Variants in VAC14 observed in about 807,000 individuals in gnomAD.
VAC14 encodes VAC14 component of PIKFYVE complex.
Under a neutral mutation model 85.3 loss-of-function variants are expected in VAC14, and 47 were observed. The ratio of observed to expected loss-of-function variants is 0.55; its 90% CI spans 0.44 to 0.70. VAC14 has a LOEUF of 0.70. Ranked by LOEUF, VAC14 falls within the 30% of genes least tolerant of loss-of-function variation. The pLI is 0.00. For missense variants in VAC14, 861 were observed against 1,004.3 expected (o/e 0.86, Z 1.93); for synonymous variants, 447 against 430.5 (o/e 1.04, Z -0.47).
Position 70,731,482 on chromosome 16 carries a change from C to T in VAC14, c.1661+13G>A, listed in dbSNP as rs191688034. 2.8e-4 allele frequency: 450 copies of T among 1,610,378 alleles called. 6 individuals are homozygous for T. In the African/African-American group the frequency reaches 3.3e-3, roughly 12 times the overall value. On this transcript the variant is annotated intron_variant, in intron 14 of 18. Coordinates refer to ENST00000261776, the MANE Select transcript of VAC14 (RefSeq NM_018052.5). ...GTGGGAGGAAGAGGAGAAAGCGCGC[C>T]GCCAAGGCTGACCTGATGATGAAAG...
chr16:70,727,076 C>T (rs915808363), intron 14 of VAC14, among the ~76,000 whole-genome samples: 5 of 152,210 alleles, frequency 3.3e-5, no homozygotes, highest in African/African-American at 1.2e-4. Flanking sequence ...CAAGAACTCC[C>T]GATGCCTCTG....
chr16:70,780,197 A>T (rs1460240739), intron 9 of VAC14, among the ~76,000 whole-genome samples: 1 of 152,090 alleles, frequency 6.6e-6, no homozygotes, highest in Non-Finnish European at 1.5e-5. Flanking sequence ...AAACAAGAAA[A>T]TTATGTTAGA....
At chr16:70,721,997 C>G (rs1407866211) in intron 14 of VAC14, among the ~76,000 whole-genome samples, 4 of 152,326 alleles carry the variant, frequency 2.6e-5, no homozygotes, top group South Asian at 2.1e-4. Flanking sequence ...ATGCAGTACC[C>G]TGCAGATCAC....
rs773274230 is a variant in VAC14, at chr16:70,782,003, T to C, written c.812A>G (p.Asp271Gly). 11 of 1,613,224 alleles carry C rather than the reference T, an allele frequency of 6.8e-6. No individual in the cohort carries two copies. Among genetic ancestry groups the C allele is most frequent in the Admixed American group, 5.0e-5 (3 of 59,980 alleles). Residue 271 changes from aspartate to glycine, a missense_variant and splice_region_variant, in exon 8 of 19, where the codon GAT becomes GGT. By Grantham distance (94) the Asp-to-Gly change is moderately conservative. Around this residue, in one of 3 missense-constraint regions of VAC14, gnomAD observed 629 missense variants for 703.1 expected, o/e 0.89. Coordinates refer to ENST00000261776, the MANE Select transcript of VAC14 (RefSeq NM_018052.5). ...CATGGCTGTCAGCTGGATGAGGTCA[T>C]CTGGAAGGGGAATCAGGGGGTTCAG... ...NILVIHCQTTDDLIQLTAMCW... is the reference protein window; with the variant it reads ...NILVIHCQTTGDLIQLTAMCW...
rs766235467 is a variant in VAC14, at chr16:70,694,322, T to C, written c.2035+1222A>G. On this transcript the variant is annotated intron_variant, in intron 17 of 18. Transcript: ENST00000261776. ...AGCAGGGTCTTTTTAGGATCTGACC[T>C]CAGGCGGCCGTGTGGGTGCCTGTGT... is the stretch of plus-strand genomic sequence containing the variant. Among the ~76,000 whole-genome samples, 6 of 152,284 alleles carry C rather than the reference T, an allele frequency of 3.9e-5. No individual in the cohort carries two copies. In the South Asian group the frequency reaches 1.0e-3, roughly 26 times the overall value.
intron 12 of VAC14, chr16:70,756,161 G>A (rs948264300): frequency 2.2e-6 from 1 of 451,110 alleles, no homozygotes. Context: ...TGATACACAG[G>A]GCTGCTTCTG....
chr16:70,688,715 A>G (rs923312010), intron 18 of VAC14: 1 of 985,586 alleles, frequency 1.0e-6, no homozygotes, highest in Non-Finnish European at 1.2e-6. Context: ...GTACAGCAAC[A>G]CAGGTTGTGC....
intron 1 of VAC14, among the ~76,000 whole-genome samples, chr16:70,788,621 G>A (rs1202736627): frequency 2.0e-5 from 3 of 152,204 alleles, no homozygotes; most frequent in African/African-American, 7.2e-5. Flanking sequence ...CCAATCATCT[G>A]GCAGAGTGCC....
intron 10 of VAC14, chr16:70,771,084 C>T (rs1243011943): frequency 1.3e-5 from 2 of 152,302 alleles, no homozygotes; most frequent in East Asian, 3.9e-4. Flanking sequence ...ACCCACCATC[C>T]ACTCTAGCCC....
intron 14 of VAC14, among the ~76,000 whole-genome samples, chr16:70,707,699 G>T (rs1327776903): frequency 6.6e-6 from 1 of 152,148 alleles, no homozygotes; most frequent in Admixed American, 6.5e-5. Flanking sequence ...ACTGCCCAGG[G>T]TGGAGTCAGA....
chr16:70,692,680 T>A, intron 18 of VAC14, 141 bp downstream of exon 18: 1 of 1,114,322 alleles, frequency 9.0e-7, no homozygotes, highest in Non-Finnish European at 1.3e-6. Context: ...GCGGGGGGGA[T>A]GGTGGTCACA....
At chr16:70,785,519 GA>G (rs2034007535) in intron 3 of VAC14, among the ~76,000 whole-genome samples, 182 bp downstream of exon 3, 1 of 152,114 alleles carries the variant, frequency 6.6e-6, no homozygotes, top group Admixed American at 6.5e-5. Flanking sequence ...AAAGAGAAAT[GA>G]AAAAAGGTAT....
chr16:70,692,845 G>A lies in VAC14; in HGVS notation c.2162C>T (p.Pro721Leu), dbSNP rs148307007. The A allele has an allele frequency of 2.5e-6, 4 of 1,601,890 alleles. No individual in the cohort carries two copies. Among genetic ancestry groups the A allele is most frequent in the African/African-American group, 1.3e-5 (1 of 74,888 alleles). Residue 721 changes from proline to leucine, a missense_variant, in exon 18 of 19, where the codon CCC (proline) becomes CTC (leucine). Physicochemically the swap from Pro to Leu is moderately conservative, Grantham distance 98. This residue lies in a region of VAC14 where 163 missense variants were observed against 162.2 expected (regional missense o/e 1.00). Transcript: ENST00000261776. Reference sequence around the variant, plus strand: ...CTCGGTCTGCAGCAGCTCAGGGTTGGGCACGCACTGGAGCCGGTGCGAGAG... The same window carrying A: ...CTCGGTCTGCAGCAGCTCAGGGTTGAGCACGCACTGGAGCCGGTGCGAGAG... ...QLLSHRLQCV[P>L]NPELLQTEDS...
At chr16:70,705,336 C>T (rs1047072394) in intron 14 of VAC14, among the ~76,000 whole-genome samples, 7 of 152,310 alleles carry the variant, frequency 4.6e-5, no homozygotes, top group South Asian at 2.1e-4. Flanking sequence ...GAGGAGAGGC[C>T]GAGGGCCCAG....
intron 14 of VAC14, among the ~76,000 whole-genome samples, chr16:70,729,249 G>A (rs1028639380): frequency 4.6e-5 from 7 of 152,192 alleles, no homozygotes; most frequent in Non-Finnish European, 7.3e-5. Context: ...CAATGCCAAC[G>A]GCGCTGAGTT....
chr16:70,688,031 G>A lies in VAC14; in HGVS notation c.2246C>T (p.Ala749Val), dbSNP rs1192201644. Residue 749 changes from alanine (A) to valine (V), a missense_variant, in exon 19 of 19, where the codon GCA (alanine) becomes GTA (valine). Transcript: ENST00000261776. ...QKADSPSIDY[A>V]ELLQHFEKVQ... ...CTTCTCAAAGTGCTGCAGCAGCTCT[G>A]CGTAGTCGATGCTAGGGGAGTCAGC... 1 of 1,605,696 alleles carries A rather than the reference G, an allele frequency of 6.2e-7. No individual in the cohort carries two copies. The highest frequency in any genetic ancestry group is 1.7e-5 in the Admixed American group (1 of 59,358).
At chr16:70,779,099 A>G (rs1417349023) in intron 9 of VAC14, 1 of 152,174 alleles carries the variant, frequency 6.6e-6, no homozygotes, top group African/African-American at 2.4e-5. Flanking sequence ...CTACCACTGA[A>G]CCACCAATGC....
chr16:70,731,734 G>T (rs1449090487), intron 13 of VAC14, 107 bp from the exon 14 acceptor site: 8 of 1,245,850 alleles, frequency 6.4e-6, no homozygotes, highest in South Asian at 5.6e-5. Context: ...GATGTGTGTG[G>T]GGGGTGTTAT....
intron 12 of VAC14, among the ~76,000 whole-genome samples, chr16:70,751,953 G>A (rs2031424363): frequency 6.6e-6 from 1 of 152,256 alleles, no homozygotes; most frequent in South Asian, 2.1e-4. Flanking sequence ...GGAAAGTGTT[G>A]CCTAAAAGAA....
Sources: gnomAD v4.1 joint callset for allele counts (sites outside exome capture counted in the v4.1 genomes callset) on GRCh38, gnomAD v4.1.1 for gene constraint, gnomAD v4.1.1 regional missense constraint, MANE v1.5 for transcripts, NCBI Gene and HGNC (gene_info 2026-07-23, HGNC 2026-07-21) for gene names.